The following PAX3 variants were observed in gnomAD, a reference collection of about 807,000 sequenced individuals.
PAX3 encodes the protein paired box protein Pax-3.
In PAX3, 14 loss-of-function variants were observed where a neutral mutation model predicts 51.6. The ratio of observed to expected loss-of-function variants is 0.27; its 90% confidence interval spans 0.18 to 0.42. PAX3 has a LOEUF of 0.42. PAX3 is among the 10% of genes least tolerant of loss of function. The probability of loss-of-function intolerance (pLI) is 1.00; values close to 1 mark genes in which losing one functional copy is unlikely to be tolerated. For missense variants in PAX3, 540 were observed against 642.8 expected (o/e 0.84, Z 1.73); for synonymous variants, 280 against 253.4 (o/e 1.11, Z -1.00).
chr2:222,279,492 G>T (rs925460571), intron 4 of PAX3, among the ~76,000 whole-genome samples: 2 of 152,194 alleles, frequency 1.3e-5, no homozygotes, highest in African/African-American at 4.8e-5. Flanking sequence ...ATTTTCAAAG[G>T]GTTTGGTAGA....
chr2:222,256,791 C>T (rs6736445), intron 4 of PAX3, among the ~76,000 whole-genome samples: 14,556 of 152,248 alleles, frequency 0.096, 900 homozygotes, highest in East Asian at 0.32. Flanking sequence ...TCTCAGAAAG[C>T]AGTCATTGCC....
chr2:222,264,997 C>G (rs1004979228), intron 4 of PAX3: 4 of 152,244 alleles, frequency 2.6e-5, no homozygotes, highest in African/African-American at 4.8e-5. Context: ...GAAGCATTTC[C>G]TGAACTTGGG....
chr2:222,297,640 G>A (rs935288811), intron 1 of PAX3, among the ~76,000 whole-genome samples: 1 of 152,196 alleles, frequency 6.6e-6, no homozygotes, highest in Non-Finnish European at 1.5e-5. Flanking sequence ...CTTTCTAAGG[G>A]ACTTGGGCCA....
intron 7 of PAX3, among the ~76,000 whole-genome samples, chr2:222,202,428 G>A (rs1691334293): frequency 1.3e-5 from 2 of 151,888 alleles, no homozygotes; most frequent in South Asian, 2.1e-4. Flanking sequence ...GGAGAAGAGG[G>A]GGAAGAGGAA....
chr2:222,276,206 A>T (rs973495534), intron 4 of PAX3, among the ~76,000 whole-genome samples: 33 of 152,210 alleles, frequency 2.2e-4, no homozygotes, highest in Non-Finnish European at 1.0e-4. Flanking sequence ...GAAGCTCTCA[A>T]AACAATACCC....
At chr2:222,295,740 G>T (rs1376869704) in intron 2 of PAX3, 83 bp from the exon 3 acceptor site, 1 of 1,493,202 alleles carries the variant, frequency 6.7e-7, no homozygotes, top group Non-Finnish European at 9.3e-7. Flanking sequence ...GGGCCTGTCG[G>T]GATGCTCCTC....
At chr2:222,202,668 T>C (rs1340460345) in intron 7 of PAX3, among the ~76,000 whole-genome samples, 2 of 151,890 alleles carry the variant, frequency 1.3e-5, no homozygotes, top group Non-Finnish European at 2.9e-5. Flanking sequence ...AAGTTATTTT[T>C]CATGTACTTT....
intron 5 of PAX3, among the ~76,000 whole-genome samples, chr2:222,225,674 C>A (rs188309015): frequency 6.6e-6 from 1 of 152,148 alleles, no homozygotes; most frequent in Non-Finnish European, 1.5e-5. Flanking sequence ...TTCCCATGTG[C>A]TAAACGGGGA....
intron 7 of PAX3, among the ~76,000 whole-genome samples, chr2:222,211,607 G>C (rs1167037464): frequency 6.6e-6 from 1 of 152,088 alleles, no homozygotes; most frequent in Non-Finnish European, 1.5e-5. Context: ...AAATTCACCT[G>C]TGGAAAAAAT....
At chr2:222,291,417 C>A (rs1212218952) in intron 4 of PAX3, among the ~76,000 whole-genome samples, 1 of 152,208 alleles carries the variant, frequency 6.6e-6, no homozygotes, top group African/African-American at 2.4e-5. Context: ...CGGGCCTGAG[C>A]GCACCAGCAC....
chr2:222,231,973 T>C (rs775324041), intron 5 of PAX3, 105 bp downstream of exon 5: 2 of 994,262 alleles, frequency 2.0e-6, no homozygotes, highest in Middle Eastern at 3.1e-4. Flanking sequence ...AAAGGGCCAT[T>C]CCTAATACAT....
chr2:222,277,864 G>T (rs535454811), intron 4 of PAX3, among the ~76,000 whole-genome samples: 62 of 151,238 alleles, frequency 4.1e-4, no homozygotes, highest in Non-Finnish European at 7.4e-4. Flanking sequence ...AACCCAGAAG[G>T]CGGAGGCTGC....
In PAX3 at chr2:222,271,671, A is replaced by G. The variant is rs1452649244; in HGVS notation, c.586+22496T>C. Among the ~76,000 whole-genome samples, 5 of 152,346 alleles carry G rather than the reference A, an allele frequency of 3.3e-5. No individual in the cohort carries two copies. In the East Asian group the frequency reaches 7.7e-4, roughly 24 times the overall value. On this transcript the variant is annotated intron_variant, in intron 4 of 8. Transcript: ENST00000392070. Reference sequence around the variant, plus strand: ...TGAAGTTTTTAAACCTAAATAACCTAGTCATTGAAGCTACCTAAGTAATAG... The same window carrying G: ...TGAAGTTTTTAAACCTAAATAACCTGGTCATTGAAGCTACCTAAGTAATAG...
chr2:222,236,878 G>C (rs1410176394), intron 4 of PAX3, among the ~76,000 whole-genome samples: 2 of 152,114 alleles, frequency 1.3e-5, no homozygotes, highest in Non-Finnish European at 2.9e-5. Flanking sequence ...TTCCAGAATA[G>C]ATCTCATAAG....
At chr2:222,206,047 C>T (rs1215533891) in intron 7 of PAX3, among the ~76,000 whole-genome samples, 1 of 152,076 alleles carries the variant, frequency 6.6e-6, no homozygotes, top group East Asian at 1.9e-4. Context: ...AGCCTAAAAT[C>T]AAATCTTCAT....
chr2:222,252,587 A>T (rs1693478374), intron 4 of PAX3, among the ~76,000 whole-genome samples: 1 of 151,942 alleles, frequency 6.6e-6, no homozygotes, highest in African/African-American at 2.4e-5. Context: ...AAGACTCAAA[A>T]CTCCCATTAT....
At chr2:222,217,330 T>A (rs1372728905) in intron 7 of PAX3, among the ~76,000 whole-genome samples, 5 of 152,150 alleles carry the variant, frequency 3.3e-5, no homozygotes, top group African/African-American at 1.2e-4. Flanking sequence ...AAAACTAGTC[T>A]CTACTAAATT....
At chr2:222,235,780 GA>G (rs889556320) in intron 4 of PAX3, among the ~76,000 whole-genome samples, 3 of 150,514 alleles carry the variant, frequency 2.0e-5, no homozygotes, top group African/African-American at 4.9e-5. Flanking sequence ...TTCTTTAAAA[GA>G]AAAAAAAAGT....
chr2:222,209,772 G>A, intron 7 of PAX3, among the ~76,000 whole-genome samples: 1 of 138,702 alleles, frequency 7.2e-6, no homozygotes, highest in Non-Finnish European at 1.5e-5. Flanking sequence ...TGCACCTTTA[G>A]TCCCAGCTAC....
Sources: allele counts gnomAD v4.1 joint callset (sites outside exome capture counted in the v4.1 genomes callset), GRCh38; gene constraint gnomAD v4.1.1; transcripts MANE v1.5; gene names NCBI Gene and HGNC (gene_info 2026-07-23, HGNC 2026-07-21).